The following RANBP17 variants were observed in gnomAD, a reference collection of about 807,000 sequenced individuals.
RANBP17 encodes the protein ran-binding protein 17.
A neutral mutation model predicts 141.2 loss-of-function variants in RANBP17; 158 were observed. The ratio of observed to expected loss-of-function variants is 1.12; its 90% CI spans 0.98 to 1.28. The LOEUF is 1.28. Ranked by LOEUF, RANBP17 falls within the 50% of genes most tolerant of loss-of-function variation. The probability of loss-of-function intolerance (pLI) is 0.00; values close to 1 mark genes in which losing one functional copy is unlikely to be tolerated. For missense variants in RANBP17, 1,438 were observed against 1,290.7 expected, an observed-to-expected ratio of 1.11 and a Z score of -1.75; for synonymous variants, 430 against 450.0, an observed-to-expected ratio of 0.96 and a Z score of 0.56.
chr5:171,067,585 A>C lies in RANBP17; in HGVS notation c.1710+99208A>C, dbSNP rs993155368. Among the ~76,000 whole-genome samples, 4 of 151,998 alleles carry C rather than the reference A, an allele frequency of 2.6e-5. No homozygotes were observed. In the South Asian group the frequency reaches 8.3e-4, roughly 31 times the overall value. ...TAGTCTGTTAGTAATGGGCTTCTTT[A>C]GCTTCTTAAAAATTTTTTTAAATCT... On this transcript the variant is annotated intron_variant, in intron 14 of 27. Coordinates refer to ENST00000523189, the MANE Select transcript of RANBP17 (RefSeq NM_022897.5).
intron 12 of RANBP17, among the ~76,000 whole-genome samples, chr5:170,950,643 A>T (rs371187384): frequency 6.6e-5 from 10 of 152,288 alleles, no homozygotes; most frequent in African/African-American, 2.4e-4. Context: ...TGGGAATGTA[A>T]ATTAAAACAG....
At chr5:171,203,179 T>C (rs1762395166) in intron 19 of RANBP17, among the ~76,000 whole-genome samples, 1 of 152,210 alleles carries the variant, frequency 6.6e-6, no homozygotes, top group South Asian at 2.1e-4. Context: ...TGACCAACTA[T>C]AGGAGAGAGG....
intron 22 of RANBP17, among the ~76,000 whole-genome samples, chr5:171,235,351 A>C (rs377714809): frequency 1.7e-4 from 26 of 150,818 alleles, no homozygotes; most frequent in East Asian, 5.8e-4. Flanking sequence ...TGGAAGAGAC[A>C]GTAGTGTGAC....
chr5:171,191,681 C>T (rs1039322609), intron 18 of RANBP17, among the ~76,000 whole-genome samples: 3 of 148,868 alleles, frequency 2.0e-5, no homozygotes, highest in East Asian at 2.0e-4. Context: ...AGCGAGACTC[C>T]GTCTCAAAAA....
At chr5:170,917,107 G>C (rs903721705) in intron 9 of RANBP17, among the ~76,000 whole-genome samples, 1 of 151,954 alleles carries the variant, frequency 6.6e-6, no homozygotes, top group Admixed American at 6.6e-5. Context: ...TTTCTTTTAG[G>C]CAAATATGAC....
chr5:170,895,158 G>T (rs562451280), intron 4 of RANBP17, among the ~76,000 whole-genome samples: 1 of 152,260 alleles, frequency 6.6e-6, no homozygotes, highest in African/African-American at 2.4e-5. Flanking sequence ...TGCAAAAATT[G>T]TGAGACCTTT....
intron 14 of RANBP17, among the ~76,000 whole-genome samples, chr5:171,133,357 C>CT (rs1225231483): frequency 1.3e-5 from 2 of 152,048 alleles, no homozygotes; most frequent in Non-Finnish European, 2.9e-5. Context: ...AGTTAATTAG[C>CT]TTTTTAAAGT....
At chr5:170,933,675 A>G (rs1773599677) in intron 12 of RANBP17, among the ~76,000 whole-genome samples, 1 of 152,178 alleles carries the variant, frequency 6.6e-6, no homozygotes, top group Non-Finnish European at 1.5e-5. Context: ...TTATGTACCC[A>G]GTAGTCATTC....
At chr5:171,047,277 CA>C (rs1293782236) in intron 14 of RANBP17, among the ~76,000 whole-genome samples, 1 of 151,760 alleles carries the variant, frequency 6.6e-6, no homozygotes, top group East Asian at 1.9e-4. Flanking sequence ...CTCGGCACCC[CA>C]AAGTGTTGGG....
At chr5:170,867,835 A>G (rs955542200) in intron 1 of RANBP17, among the ~76,000 whole-genome samples, 3 of 152,230 alleles carry the variant, frequency 2.0e-5, no homozygotes, top group Non-Finnish European at 4.4e-5. Context: ...AATTGTCACC[A>G]AAATCAAGAA....
At chr5:171,279,546 A>C (rs1056331160) in intron 25 of RANBP17, among the ~76,000 whole-genome samples, 1 of 151,752 alleles carries the variant, frequency 6.6e-6, no homozygotes, top group Non-Finnish European at 1.5e-5. Flanking sequence ...ATGCCTAATC[A>C]CCTCTTAACG....
chr5:171,215,506 T>G (rs778698166), intron 21 of RANBP17, among the ~76,000 whole-genome samples: 10 of 152,144 alleles, frequency 6.6e-5, no homozygotes, highest in Non-Finnish European at 1.3e-4. Flanking sequence ...TTGAACTAGT[T>G]TACACTCCCA....
chr5:171,252,441 A>T (rs1246040081), intron 24 of RANBP17: 18 of 1,504,356 alleles, frequency 1.2e-5, no homozygotes, highest in Non-Finnish European at 1.7e-5. Context: ...AACAAAATAC[A>T]TCAATTACTC....
At chr5:171,255,613 G>C (rs1765831186) in intron 24 of RANBP17, among the ~76,000 whole-genome samples, 1 of 152,100 alleles carries the variant, frequency 6.6e-6, no homozygotes, top group South Asian at 2.1e-4. Context: ...TCTTAATGCA[G>C]CTGGATCTAA....
Position 171,012,560 on chromosome 5 carries a change from C to A in RANBP17, c.1710+44183C>A, listed in dbSNP as rs144172579. On this transcript the variant is annotated intron_variant, in intron 14 of 27. Transcript: ENST00000523189. Reference sequence around the variant, plus strand: ...CTCTTTACTGAGAAGAATCATTGGGCAAAGTATCTCTTCATCTTTTAAGAA... The same window carrying A: ...CTCTTTACTGAGAAGAATCATTGGGAAAAGTATCTCTTCATCTTTTAAGAA... Among the ~76,000 whole-genome samples the A allele has an allele frequency of 9.3e-4, 141 of 152,120 alleles. 1 individual carries two copies. The highest frequency in any genetic ancestry group is 3.3e-3 in the African/African-American group (139 of 41,530).
intron 14 of RANBP17, among the ~76,000 whole-genome samples, chr5:170,971,332 G>C (rs529881649): frequency 1.3e-5 from 2 of 152,318 alleles, no homozygotes; most frequent in African/African-American, 4.8e-5. Context: ...ACTTTGCTCA[G>C]AACTTGAAAG....
chr5:170,939,694 A>G (rs1774179081), intron 12 of RANBP17, among the ~76,000 whole-genome samples: 1 of 152,166 alleles, frequency 6.6e-6, no homozygotes, highest in Non-Finnish European at 1.5e-5. Flanking sequence ...CTGTAAACAC[A>G]TTCATTTTAA....
intron 21 of RANBP17, among the ~76,000 whole-genome samples, chr5:171,218,771 C>CT (rs1166604947): frequency 2.0e-5 from 3 of 151,000 alleles, no homozygotes; most frequent in East Asian, 1.9e-4. Context: ...TCCTCCATCC[C>CT]TTTATTTCGA....
At chr5:171,074,424 A>G (rs556813624) in intron 14 of RANBP17, among the ~76,000 whole-genome samples, 1 of 152,344 alleles carries the variant, frequency 6.6e-6, no homozygotes, top group African/African-American at 2.4e-5. Flanking sequence ...AAAAAAAGAT[A>G]TTAGTGGGAA....
Sources: gnomAD v4.1 joint callset for allele counts (sites outside exome capture counted in the v4.1 genomes callset) on GRCh38, gnomAD v4.1.1 for gene constraint, MANE v1.5 for transcripts, NCBI Gene and HGNC (gene_info 2026-07-23, HGNC 2026-07-21) for gene names.